Variants in SCAPER observed in about 807,000 individuals in gnomAD.
SCAPER encodes the protein S phase cyclin A-associated protein in the endoplasmic reticulum.
SCAPER carries 98 observed loss-of-function variants against 182.2 expected under a neutral mutation model. The ratio of observed to expected loss-of-function variants is 0.54; its 90% CI spans 0.46 to 0.64. The LOEUF (loss-of-function observed/expected upper bound fraction) is 0.64, where lower values mean the gene tolerates loss of function less well. Among genes scored for constraint, SCAPER ranks in the 30% least tolerant of loss-of-function variants. The pLI, the probability that SCAPER is intolerant of heterozygous loss-of-function variation, is 0.00. For missense variants in SCAPER, 1,432 were observed against 1,690.0 expected (o/e 0.85, Z 2.68); for synonymous variants, 605 against 564.6 (o/e 1.07, Z -1.01).
At chr15:76,657,621 AAG>A (rs2055771703) in intron 21 of SCAPER, among the ~76,000 whole-genome samples, 1 of 151,696 alleles carries the variant, frequency 6.6e-6, no homozygotes, top group Non-Finnish European at 1.5e-5. Flanking sequence ...AGAAAGAAAA[AAG>A]AACACAGGCC....
intron 25 of SCAPER, among the ~76,000 whole-genome samples, chr15:76,442,030 A>G (rs1315109946): frequency 6.6e-6 from 1 of 151,918 alleles, no homozygotes; most frequent in African/African-American, 2.4e-5. Flanking sequence ...ACCAGCATTA[A>G]ATATCTATCT....
rs553180913 is a variant in SCAPER, at chr15:76,457,647, C to T, written c.3078+13565G>A. On this transcript the variant is annotated intron_variant, in intron 25 of 31. Transcript: ENST00000563290. ...AGCACTGTGTGTAAAGTGTAGAAAGCTTGTAAGCTCATGGGTTCATTTTCT... is the reference window on the plus strand; with the variant it reads ...AGCACTGTGTGTAAAGTGTAGAAAGTTTGTAAGCTCATGGGTTCATTTTCT... Among the ~76,000 whole-genome samples, 13 of 152,232 alleles carry T rather than the reference C, an allele frequency of 8.5e-5. No homozygotes were observed. In the East Asian group the frequency reaches 2.3e-3, roughly 27 times the overall value.
chr15:76,648,600 G>A (rs1047399498), intron 21 of SCAPER, among the ~76,000 whole-genome samples: 1 of 152,194 alleles, frequency 6.6e-6, no homozygotes, highest in African/African-American at 2.4e-5. Flanking sequence ...TGCCTGGGCA[G>A]CACAGTGATA....
At chr15:76,394,621 G>A (rs559210944) in intron 27 of SCAPER, among the ~76,000 whole-genome samples, 8 of 152,180 alleles carry the variant, frequency 5.3e-5, no homozygotes, top group African/African-American at 7.2e-5. Context: ...TTCTTCACAC[G>A]ACACTTGACC....
intron 4 of SCAPER, among the ~76,000 whole-genome samples, chr15:76,845,344 C>CA: frequency 6.6e-6 from 1 of 152,066 alleles, no homozygotes; most frequent in East Asian, 1.9e-4. Flanking sequence ...CACTGTTATT[C>CA]AAAACAGTAC....
intron 21 of SCAPER, among the ~76,000 whole-genome samples, chr15:76,625,186 T>G (rs976143333): frequency 2.0e-5 from 3 of 152,006 alleles, no homozygotes; most frequent in South Asian, 2.1e-4. Flanking sequence ...ACTCTGGTGG[T>G]ATGTGTAGGT....
intron 7 of SCAPER, among the ~76,000 whole-genome samples, chr15:76,799,157 C>A (rs2065562909): frequency 6.6e-6 from 1 of 151,952 alleles, no homozygotes; most frequent in Non-Finnish European, 1.5e-5. Flanking sequence ...ATATACAGAT[C>A]TATTGCAAAG....
intron 17 of SCAPER, among the ~76,000 whole-genome samples, chr15:76,727,661 A>G (rs1000166658): frequency 3.9e-5 from 6 of 152,126 alleles, no homozygotes; most frequent in Non-Finnish European, 1.5e-5. Context: ...GGATAGAAAA[A>G]GATTTCATAA....
intron 25 of SCAPER, among the ~76,000 whole-genome samples, chr15:76,441,338 T>G (rs1056453675): frequency 2.0e-5 from 3 of 152,224 alleles, no homozygotes; most frequent in South Asian, 2.1e-4. Flanking sequence ...CCTATATTTA[T>G]GCAGCCAAAA....
At chr15:76,722,279 A>T (rs572016957) in intron 17 of SCAPER, among the ~76,000 whole-genome samples, 159 of 152,288 alleles carry the variant, frequency 1.0e-3, no homozygotes, top group African/African-American at 3.8e-3. Flanking sequence ...GATGAAGCCC[A>T]CTTGATCATG....
intron 15 of SCAPER, among the ~76,000 whole-genome samples, chr15:76,743,711 G>A (rs764575041): frequency 2.0e-5 from 3 of 151,796 alleles, no homozygotes; most frequent in Non-Finnish European, 2.9e-5. Context: ...CATTAAAATC[G>A]CCATAAGCAA....
chr15:76,652,041 G>A (rs878961928), intron 21 of SCAPER, among the ~76,000 whole-genome samples: 21 of 150,632 alleles, frequency 1.4e-4, no homozygotes, highest in Admixed American at 7.3e-4. Context: ...CATCTAAATA[G>A]ATGCAGTGGA....
intron 22 of SCAPER, among the ~76,000 whole-genome samples, chr15:76,579,003 A>C (rs2048060548): frequency 6.6e-6 from 1 of 152,202 alleles, no homozygotes; most frequent in African/African-American, 2.4e-5. Context: ...CGAAGAGATA[A>C]AAATAATTTA....
intron 23 of SCAPER, among the ~76,000 whole-genome samples, chr15:76,517,409 G>T (rs1257429390): frequency 2.7e-5 from 4 of 149,628 alleles, no homozygotes; most frequent in Admixed American, 1.3e-4. Flanking sequence ...GAGTGCAGTG[G>T]TGTGATCTTG....
At position 76,765,728 on chromosome 15, in the gene SCAPER, T is replaced by C. The variant is rs866208408; in HGVS notation, c.1420-90A>G. ...ACTATACATGAAAATGTCCTACCTA[T>C]TGTTAATATATTCTATTTAACCAAC... On this transcript the variant is annotated intron_variant, in intron 11 of 31. Coordinates refer to ENST00000563290, the MANE Select transcript of SCAPER (RefSeq NM_020843.4). 207 of 1,050,386 alleles carry C rather than the reference T, an allele frequency of 2.0e-4. 1 individual carries two copies. The highest frequency in any genetic ancestry group is 1.7e-3 in the Middle Eastern group (8 of 4,630). 65.1% of individuals were successfully genotyped at this position (1,050,386 alleles called of 1,614,324 possible). A position where few individuals can be genotyped will look rare whatever the true frequency, so the allele number is the denominator to read the frequency against.
At chr15:76,383,811 T>C (rs1019685539) in intron 27 of SCAPER, among the ~76,000 whole-genome samples, 2 of 152,238 alleles carry the variant, frequency 1.3e-5, no homozygotes, top group Non-Finnish European at 2.9e-5. Context: ...CTCTTTTCTC[T>C]CAATGTCTTC....
chr15:76,466,416 CTTCTTTT>C (rs1363563344), intron 25 of SCAPER, among the ~76,000 whole-genome samples: 6 of 36,790 alleles, frequency 1.6e-4, no homozygotes, highest in East Asian at 8.8e-4. Context: ...TTGGTTGGTT[CTTCTTTT>C]TTTTTTTTTT....
At chr15:76,455,180 A>C (rs1391903364) in intron 25 of SCAPER, among the ~76,000 whole-genome samples, 2 of 152,194 alleles carry the variant, frequency 1.3e-5, no homozygotes, top group Non-Finnish European at 2.9e-5. Context: ...TTTGATATGC[A>C]GTATTTTCAT....
chr15:76,726,976 A>C (rs1266273244), intron 17 of SCAPER, among the ~76,000 whole-genome samples: 1 of 152,060 alleles, frequency 6.6e-6, no homozygotes, highest in African/African-American at 2.4e-5. Context: ...CTGTAAACTT[A>C]AAAATGATTA....
Sources: gnomAD v4.1 joint callset for allele counts (sites outside exome capture counted in the v4.1 genomes callset) on GRCh38, gnomAD v4.1.1 for gene constraint, MANE v1.5 for transcripts, NCBI Gene and HGNC (gene_info 2026-07-23, HGNC 2026-07-21) for gene names.